The following ANTXR2 variants were observed in gnomAD, a reference collection of about 807,000 sequenced individuals.
ANTXR2 encodes ANTXR cell adhesion molecule 2, also known as anthrax toxin receptor 2.
ANTXR2 carries 44 observed loss-of-function variants against 73.7 expected under a neutral mutation model. The ratio of observed to expected loss-of-function variants is 0.60; its 90% CI spans 0.47 to 0.77. The LOEUF (loss-of-function observed/expected upper bound fraction) is 0.77. ANTXR2 is among the 30% of genes least tolerant of loss of function. The pLI, the probability that ANTXR2 is intolerant of heterozygous loss-of-function variation, is 0.00. For synonymous variants in ANTXR2, 217 were observed against 205.9 expected (o/e 1.05, Z -0.46); for missense variants, 604 against 592.5 (o/e 1.02, Z -0.20).
At chr4:79,995,818 T>A (rs1363510214) in intron 12 of ANTXR2, among the ~76,000 whole-genome samples, 1 of 151,992 alleles carries the variant, frequency 6.6e-6, no homozygotes, top group Admixed American at 6.6e-5. Context: ...TTGTTAATAA[T>A]GAAAACGAAG....
chr4:79,907,201 C>A lies in ANTXR2; in HGVS notation c.*228G>T. 1 of 578,336 alleles carries A rather than the reference C, an allele frequency of 1.7e-6. No individual in the cohort carries two copies. The highest frequency in any genetic ancestry group is 2.3e-5 in the South Asian group (1 of 43,480). The allele number at this position is 578,336 out of a possible 1,614,324, so 35.8% of individuals were successfully genotyped here. On this transcript the variant is annotated 3_prime_UTR_variant, in exon 17 of 17. Transcript: ENST00000403729. ...CCTCTTTATTTTCAATGTCATAAAT[C>A]ATGAGTTACCACTGAGTTTCATCAC...
rs538807855 is a variant in ANTXR2, at chr4:79,918,010, C to A, written c.1429-10543G>T. Reference sequence around the variant, plus strand: ...CTGGGAACATCAGAAGAGATGGAAACTATAAATAAGAAACTGTAATAATAG... The same window carrying A: ...CTGGGAACATCAGAAGAGATGGAAAATATAAATAAGAAACTGTAATAATAG... On this transcript the variant is annotated intron_variant, in intron 16 of 16. Coordinates refer to ENST00000403729, the MANE Select transcript of ANTXR2 (RefSeq NM_058172.6). Among the ~76,000 whole-genome samples, 4 of 151,660 alleles carry A rather than the reference C, an allele frequency of 2.6e-5. No homozygotes were observed. In the East Asian group the frequency reaches 5.8e-4, roughly 22 times the overall value.
intron 16 of ANTXR2, among the ~76,000 whole-genome samples, chr4:79,927,535 C>G (rs1727868710): frequency 6.6e-6 from 1 of 152,066 alleles, no homozygotes; most frequent in African/African-American, 2.4e-5. Context: ...CTCTAGATCA[C>G]TTATAGTGTC....
intron 7 of ANTXR2, among the ~76,000 whole-genome samples, chr4:80,036,645 C>CA (rs1732982415): frequency 6.6e-6 from 1 of 151,740 alleles, no homozygotes; most frequent in Non-Finnish European, 1.5e-5. Flanking sequence ...ACTAAAAATA[C>CA]AAAAAATGAG....
intron 16 of ANTXR2, among the ~76,000 whole-genome samples, chr4:79,926,976 T>TGC (rs1553925983): frequency 1.1e-5 from 1 of 90,594 alleles, no homozygotes; most frequent in Non-Finnish European, 2.0e-5. Context: ...TGTGTATATA[T>TGC]ACGTGTGCAT....
chr4:79,936,491 T>C (rs1728263595), intron 16 of ANTXR2, among the ~76,000 whole-genome samples: 1 of 149,844 alleles, frequency 6.7e-6, no homozygotes, highest in Non-Finnish European at 1.5e-5. Flanking sequence ...AATCAAAACA[T>C]TCTCACATTT....
intron 12 of ANTXR2, among the ~76,000 whole-genome samples, chr4:79,996,462 T>C (rs769406268): frequency 6.8e-4 from 104 of 152,088 alleles, no homozygotes; most frequent in Admixed American, 1.2e-3. Context: ...TATATAGATA[T>C]AACATTTAGC....
At chr4:80,037,733 C>T (rs780505655) in intron 7 of ANTXR2, among the ~76,000 whole-genome samples, 7 of 151,990 alleles carry the variant, frequency 4.6e-5, no homozygotes, top group Non-Finnish European at 7.4e-5. Context: ...AAAATTTGGA[C>T]ATAATTCAGA....
chr4:79,904,541 C>T lies in ANTXR2; in HGVS notation c.*2888G>A, dbSNP rs1390353083. 8 of 152,194 alleles carry T rather than the reference C, an allele frequency of 5.3e-5. No homozygotes were observed. In the South Asian group the frequency reaches 1.4e-3, roughly 28 times the overall value. The allele number at this position is 152,194 out of a possible 1,614,324, so 9.4% of individuals were successfully genotyped here. Reference sequence around the variant, plus strand: ...GGAGCACCAAATGCTCTAAGGAAAACATTCCAAGTATCAAAGTTTTCAGAT... The same window carrying T: ...GGAGCACCAAATGCTCTAAGGAAAATATTCCAAGTATCAAAGTTTTCAGAT... On this transcript the variant is annotated 3_prime_UTR_variant, in exon 17 of 17. Coordinates refer to ENST00000403729, the MANE Select transcript of ANTXR2 (RefSeq NM_058172.6).
intron 12 of ANTXR2, among the ~76,000 whole-genome samples, chr4:80,002,403 A>C (rs1731090867): frequency 6.6e-6 from 1 of 152,202 alleles, no homozygotes. Flanking sequence ...TTATACAAAA[A>C]TTAATTCAAG....
intron 14 of ANTXR2, among the ~76,000 whole-genome samples, chr4:79,978,816 G>C (rs968803429): frequency 2.0e-5 from 3 of 152,152 alleles, no homozygotes; most frequent in Non-Finnish European, 2.9e-5. Flanking sequence ...CAAAAGAGTT[G>C]CTTCTTCCAA....
rs763155681 is a variant in ANTXR2 at position 80,036,063 on chromosome 4, G to C, written c.637-31C>G. On this transcript the variant is annotated intron_variant, in intron 7 of 16. Coordinates refer to ENST00000403729, the MANE Select transcript of ANTXR2 (RefSeq NM_058172.6). ...AAAGAAAAAAAAAAAAGATTACCAA[G>C]CTATAGATCTAAAATTACAATGTGA... is the stretch of plus-strand genomic sequence containing the variant. The C allele has an allele frequency of 2.1e-6, 3 of 1,433,558 alleles. No homozygotes were observed. The South Asian group carries it at 4.1e-5, about 20-fold the overall frequency. The allele number at this position is 1,433,558 out of a possible 1,614,324, so 88.8% of individuals were successfully genotyped here.
chr4:79,945,991 A>T (rs191437779), intron 16 of ANTXR2, among the ~76,000 whole-genome samples: 60 of 152,290 alleles, frequency 3.9e-4, no homozygotes, highest in Middle Eastern at 3.4e-3. Flanking sequence ...CAAATTTTTG[A>T]ATTATAATTG....
intron 16 of ANTXR2, among the ~76,000 whole-genome samples, chr4:79,914,539 T>A (rs995223249): frequency 6.6e-6 from 1 of 152,122 alleles, no homozygotes; most frequent in African/African-American, 2.4e-5. Context: ...AATCCTCCAA[T>A]AAAGAATTGC....
At chr4:79,924,742 T>C (rs1355051037) in intron 16 of ANTXR2, among the ~76,000 whole-genome samples, 1 of 152,102 alleles carries the variant, frequency 6.6e-6, no homozygotes. Flanking sequence ...AAAGCTTACT[T>C]CCTTTAAATT....
rs563744842 is a variant in ANTXR2 at position 79,953,733 on chromosome 4, T to C, written c.1428+23888A>G. Among the ~76,000 whole-genome samples, 90 of 152,234 alleles carry C rather than the reference T, an allele frequency of 5.9e-4. 1 individual carries two copies. The highest frequency in any genetic ancestry group is 2.0e-3 in the African/African-American group (84 of 41,570). On this transcript the variant is annotated intron_variant, in intron 16 of 16. Coordinates refer to ENST00000403729, the MANE Select transcript of ANTXR2 (RefSeq NM_058172.6). Reference sequence around the variant, plus strand: ...GTAAAGTATATAACTTTATAATTATTCTTAAGTTTTGGCCTCTGGACAATA... The same window carrying C: ...GTAAAGTATATAACTTTATAATTATCCTTAAGTTTTGGCCTCTGGACAATA...
chr4:79,901,745 T>C lies in ANTXR2; in HGVS notation c.*5684A>G. 1 of 168,368 alleles carries C rather than the reference T, an allele frequency of 5.9e-6. No individual in the cohort carries two copies. Among genetic ancestry groups the C allele is most frequent in the African/African-American group, 2.4e-5 (1 of 41,698 alleles). The allele number at this position is 168,368 out of a possible 1,614,324, so 10.4% of individuals were successfully genotyped here. On this transcript the variant is annotated 3_prime_UTR_variant, in exon 17 of 17. Coordinates refer to ENST00000403729, the MANE Select transcript of ANTXR2 (RefSeq NM_058172.6). ...GTTTTCCTGCAACTAGATGGTCCCA[T>C]CTGGGGGTGGTGGGAGACAACAACA...
intron 7 of ANTXR2, among the ~76,000 whole-genome samples, chr4:80,039,864 C>G (rs1042945671): frequency 6.6e-6 from 1 of 152,088 alleles, no homozygotes; most frequent in Admixed American, 6.6e-5. Context: ...TGGAATCAAC[C>G]TAGGTGCTCC....
intron 7 of ANTXR2, among the ~76,000 whole-genome samples, chr4:80,036,362 T>C (rs2110087446): frequency 6.6e-6 from 1 of 152,276 alleles, no homozygotes; most frequent in East Asian, 1.9e-4. Flanking sequence ...AAATCTATGT[T>C]GACTTTCCCA....
Sources: allele counts gnomAD v4.1 joint callset (sites outside exome capture counted in the v4.1 genomes callset), GRCh38; gene constraint gnomAD v4.1.1; transcripts MANE v1.5; gene names NCBI Gene and HGNC (gene_info 2026-07-23, HGNC 2026-07-21).